The following POU2F1 variants were observed in gnomAD, a reference collection of about 807,000 sequenced individuals.
POU2F1 encodes the protein POU class 2 homeobox 1.
In POU2F1, 16 loss-of-function variants were observed where a neutral mutation model predicts 84.9. The observed-to-expected ratio is 0.19, with a 90% CI of 0.13 to 0.29. The LOEUF (loss-of-function observed/expected upper bound fraction) is 0.29, where lower values mean the gene tolerates loss of function less well. POU2F1 is among the 10% of genes least tolerant of loss of function. The pLI is 1.00. For synonymous variants in POU2F1, 368 were observed against 368.3 expected (o/e 1.00, Z 0.01); for missense variants, 738 against 942.6 (o/e 0.78, Z 2.84).
intron 1 of POU2F1, among the ~76,000 whole-genome samples, chr1:167,321,944 T>G (rs1656340980): frequency 6.6e-6 from 1 of 152,208 alleles, no homozygotes; most frequent in Admixed American, 6.5e-5. Flanking sequence ...TATAACTGGT[T>G]GGATAGTCCC....
chr1:167,388,041 C>G (rs748614552), intron 8 of POU2F1, among the ~76,000 whole-genome samples: 3 of 151,818 alleles, frequency 2.0e-5, no homozygotes, highest in Non-Finnish European at 4.4e-5. Flanking sequence ...GTTTATGTAC[C>G]CTGAAAAATA....
intron 1 of POU2F1, among the ~76,000 whole-genome samples, chr1:167,257,294 T>C (rs528741868): frequency 4.8e-4 from 72 of 151,228 alleles, no homozygotes; most frequent in Middle Eastern, 3.4e-3. Context: ...AAAACAACCA[T>C]TTTTTTTTAA....
intron 1 of POU2F1, among the ~76,000 whole-genome samples, chr1:167,264,970 C>G (rs1376085057): frequency 3.9e-5 from 6 of 152,188 alleles, no homozygotes; most frequent in Admixed American, 3.9e-4. Context: ...TAGTTCACTT[C>G]CTAACCTCCT....
intron 1 of POU2F1, among the ~76,000 whole-genome samples, chr1:167,252,394 G>GTTTGTAGTTC (rs1031353370): frequency 3.3e-5 from 5 of 152,192 alleles, no homozygotes; most frequent in African/African-American, 1.2e-4. Context: ...AAGCACGTAT[G>GTTTGTAGTTC]TTTGTAGTTC....
intron 1 of POU2F1, among the ~76,000 whole-genome samples, chr1:167,308,070 C>CA (rs1236421918): frequency 3.6e-5 from 5 of 138,222 alleles, no homozygotes; most frequent in African/African-American, 1.3e-4. Context: ...TTATTTGTTT[C>CA]TTTTTTTTTT....
Position 167,421,809 on chromosome 1 carries a change from AG to A in POU2F1, c.*6000del, listed in dbSNP as rs1359737489. 2 of 151,600 alleles carry A rather than the reference AG, an allele frequency of 1.3e-5. No homozygotes were observed. Among genetic ancestry groups the A allele is most frequent in the African/African-American group, 4.8e-5 (2 of 41,262 alleles). 9.4% of individuals were successfully genotyped at this position (151,600 alleles called of 1,614,324 possible). The stretch of plus-strand genomic sequence containing the variant: ...AAATAGTGGAAATAATTCTAGCTGT[AG>A]CATTTAGTTGAACTAATGTTTATTA... On this transcript the variant is annotated 3_prime_UTR_variant, in exon 16 of 16. Coordinates refer to ENST00000367866, the MANE Select transcript of POU2F1 (RefSeq NM_002697.4).
At chr1:167,378,221 G>GT (rs1660458133) in intron 7 of POU2F1, among the ~76,000 whole-genome samples, 1 of 151,958 alleles carries the variant, frequency 6.6e-6, no homozygotes, top group Admixed American at 6.6e-5. Context: ...TATTTTTTGA[G>GT]TTTTTTTGTT....
intron 6 of POU2F1, 39 bp downstream of exon 6, chr1:167,374,335 G>A: frequency 1.3e-6 from 2 of 1,518,160 alleles, no homozygotes; most frequent in Non-Finnish European, 1.8e-6. Context: ...AGCAAGTGAG[G>A]AATAAAGTGG....
Position 167,398,128 on chromosome 1 carries a change from T to C in POU2F1, c.1264T>C (p.Leu422=). 6.2e-7 allele frequency: 1 copy of C among 1,613,780 alleles called. No homozygotes were observed. The highest frequency in any genetic ancestry group is 1.3e-5 in the African/African-American group (1 of 75,004). ...NIRVALEKSF[L]ENQKPTSEEI... ...CCGTGTGGCCTTAGAGAAGAGTTTC[T>C]TGGAGGTCAGTGAGGATTTTACTTT... The change falls in exon 11 of 16, where the codon TTG becomes CTG. Residue 422 remains leucine (L), a synonymous_variant. Transcript: ENST00000367866.
rs1049049402 is a variant in POU2F1, at chr1:167,422,029, T to C, written c.*6219T>C. On this transcript the variant is annotated 3_prime_UTR_variant, in exon 16 of 16. Transcript: ENST00000367866. The stretch of plus-strand genomic sequence containing the variant: ...AAACTTGATTTTCCCTGTGATTGGC[T>C]TTGGCCTCTGTGGTCTGGTCTGCAG... The C allele has an allele frequency of 7.2e-5, 11 of 152,280 alleles. No homozygotes were observed. The highest frequency in any genetic ancestry group is 2.4e-4 in the African/African-American group (10 of 41,456). The allele number at this position is 152,280 out of a possible 1,614,324, so 9.4% of individuals were successfully genotyped here.
chr1:167,334,236 C>T (rs1170422900), intron 2 of POU2F1, among the ~76,000 whole-genome samples: 1 of 142,432 alleles, frequency 7.0e-6, no homozygotes, highest in Non-Finnish European at 1.5e-5. Context: ...CCTCGGCTCA[C>T]TGCAACCTCT....
chr1:167,237,768 ATATATTTTTTTTTTT>A (rs1649601052), intron 1 of POU2F1, among the ~76,000 whole-genome samples: 15 of 15,376 alleles, frequency 9.8e-4, no homozygotes, highest in African/African-American at 2.6e-3. Context: ...ATATATATAT[ATATATTTTTTTTTTT>A]TTTTTTTTTT....
intron 7 of POU2F1, among the ~76,000 whole-genome samples, chr1:167,377,059 A>C (rs1353314355): frequency 6.6e-6 from 1 of 152,250 alleles, no homozygotes; most frequent in African/African-American, 2.4e-5. Flanking sequence ...CAGTCTTGGA[A>C]AATGAACAGC....
At chr1:167,231,963 G>T (rs1301839634) in intron 1 of POU2F1, among the ~76,000 whole-genome samples, 3 of 152,080 alleles carry the variant, frequency 2.0e-5, no homozygotes, top group African/African-American at 7.3e-5. Context: ...TACCACAAGG[G>T]GATTGGTTCC....
intron 13 of POU2F1, among the ~76,000 whole-genome samples, chr1:167,406,474 G>T (rs995447442): frequency 6.6e-6 from 1 of 152,084 alleles, no homozygotes; most frequent in Non-Finnish European, 1.5e-5. Flanking sequence ...AAGAGTGTTT[G>T]TTTGCTCTTG....
At chr1:167,388,115 T>G (rs2101889733) in intron 8 of POU2F1, among the ~76,000 whole-genome samples, 2 of 152,300 alleles carry the variant, frequency 1.3e-5, no homozygotes, top group South Asian at 4.1e-4. Context: ...TTATAAAATT[T>G]GAGGATCTCT....
intron 2 of POU2F1, among the ~76,000 whole-genome samples, chr1:167,344,111 C>T (rs1434922561): frequency 6.6e-6 from 1 of 152,062 alleles, no homozygotes; most frequent in African/African-American, 2.4e-5. Flanking sequence ...AATTCAATTC[C>T]TCAATCATAC....
chr1:167,371,345 G>A (rs1659987877), intron 4 of POU2F1, among the ~76,000 whole-genome samples: 1 of 152,190 alleles, frequency 6.6e-6, no homozygotes, highest in Non-Finnish European at 1.5e-5. Context: ...AATCTATGCA[G>A]AATTTTAATG....
intron 11 of POU2F1, 34 bp downstream of exon 11, chr1:167,398,167 T>C: frequency 6.2e-7 from 1 of 1,609,106 alleles, no homozygotes. Context: ...GTACATGGGA[T>C]TGTCTGTGTA....
Sources: gnomAD v4.1 joint callset for allele counts (sites outside exome capture counted in the v4.1 genomes callset) on GRCh38, gnomAD v4.1.1 for gene constraint, MANE v1.5 for transcripts, NCBI Gene and HGNC (gene_info 2026-07-23, HGNC 2026-07-21) for gene names.